Variants in FAT3 observed in about 807,000 individuals in gnomAD.
FAT3 encodes protocadherin Fat 3.
Under a neutral mutation model 310.2 loss-of-function variants are expected in FAT3, and 95 were observed. The observed-to-expected ratio is 0.31, with a 90% CI of 0.26 to 0.36. The LOEUF (loss-of-function observed/expected upper bound fraction) is 0.36, where lower values mean the gene tolerates loss of function less well. FAT3 is among the 10% of genes least tolerant of loss of function. FAT3 has a pLI of 1.00. For synonymous variants in FAT3, 2,314 were observed against 2,192.9 expected (o/e 1.06, Z -1.54); for missense variants, 5,408 against 5,715.6 (o/e 0.95, Z 1.74).
intron 2 of FAT3, among the ~76,000 whole-genome samples, chr11:92,447,234 T>C (rs1246698790): frequency 1.3e-5 from 2 of 151,546 alleles, no homozygotes; most frequent in African/African-American, 4.9e-5. Context: ...TGTGTGTGTG[T>C]GTGTGTGTGT....
chr11:92,817,929 A>T (rs1477211033), intron 13 of FAT3, among the ~76,000 whole-genome samples: 1 of 152,226 alleles, frequency 6.6e-6, no homozygotes. Context: ...AGGTGACAAA[A>T]GTCCACTGGA....
intron 1 of FAT3, among the ~76,000 whole-genome samples, chr11:92,248,556 C>T (rs1865018241): frequency 6.6e-6 from 1 of 152,056 alleles, no homozygotes; most frequent in Non-Finnish European, 1.5e-5. Flanking sequence ...CCTGTACTTG[C>T]CACCCATCAG....
At chr11:92,612,525 A>G (rs535016477) in intron 3 of FAT3, among the ~76,000 whole-genome samples, 114 of 152,348 alleles carry the variant, frequency 7.5e-4, no homozygotes, top group Middle Eastern at 6.8e-3. Context: ...ATGCAATTCA[A>G]TCAGAAGACC....
At chr11:92,640,104 T>C (rs1941904274) in intron 3 of FAT3, among the ~76,000 whole-genome samples, 1 of 152,106 alleles carries the variant, frequency 6.6e-6, no homozygotes, top group African/African-American at 2.4e-5. Flanking sequence ...GCCCTTTTTT[T>C]CTTTAAATAT....
chr11:92,715,006 G>A (rs1944635354), intron 4 of FAT3, among the ~76,000 whole-genome samples: 1 of 151,776 alleles, frequency 6.6e-6, no homozygotes, highest in Admixed American at 6.6e-5. Flanking sequence ...ATGGGGTATG[G>A]GTTGTTTTTT....
intron 2 of FAT3, among the ~76,000 whole-genome samples, chr11:92,445,808 C>T (rs1345312453): frequency 2.0e-5 from 3 of 151,854 alleles, no homozygotes; most frequent in African/African-American, 7.3e-5. Context: ...CTTTATTATT[C>T]TCTTCAATGA....
At position 92,293,731 on chromosome 11, in the gene FAT3, A is replaced by T. The variant is rs144187209; in HGVS notation, c.-17-58365A>T. Reference sequence around the variant, plus strand: ...ATAGCTACAGGAGACCCATGGTCAGAGCACATAGAAAAGGACTGCAGGTAT... The same window carrying T: ...ATAGCTACAGGAGACCCATGGTCAGTGCACATAGAAAAGGACTGCAGGTAT... On this transcript the variant is annotated intron_variant, in intron 1 of 27. Transcript: ENST00000525166. 5.8e-3 allele frequency among the ~76,000 whole-genome samples: 873 copies of T among 151,702 alleles called. 12 individuals carry two copies. Among genetic ancestry groups the T allele is most frequent in the African/African-American group, 0.021 (851 of 41,458 alleles).
chr11:92,562,475 A>AT (rs1165479650), intron 3 of FAT3, among the ~76,000 whole-genome samples: 2 of 152,226 alleles, frequency 1.3e-5, no homozygotes, highest in African/African-American at 2.4e-5. Context: ...TAAAGTGGAT[A>AT]TACTATCTCA....
intron 17 of FAT3, among the ~76,000 whole-genome samples, chr11:92,839,887 A>G (rs1444628458): frequency 1.3e-5 from 2 of 152,232 alleles, no homozygotes; most frequent in African/African-American, 4.8e-5. Flanking sequence ...CTGCAAAATA[A>G]TGCTTATGTA....
intron 10 of FAT3, among the ~76,000 whole-genome samples, chr11:92,802,530 T>C (rs1306286967): frequency 6.6e-6 from 1 of 152,178 alleles, no homozygotes; most frequent in Admixed American, 6.5e-5. Context: ...AAGTCAGTCA[T>C]TAGGAAGGCA....
At chr11:92,705,517 A>AGTGGTGTTGGTGGTGGTGTGATG (rs1944269230) in intron 4 of FAT3, among the ~76,000 whole-genome samples, 1 of 10,972 alleles carries the variant, frequency 9.1e-5, no homozygotes. Context: ...GTGGTGTGAT[A>AGTGGTGTTGGTGGTGGTGTGATG]GTGGTGTTGG....
chr11:92,822,526 C>T (rs1236409420), intron 13 of FAT3, among the ~76,000 whole-genome samples: 1 of 152,220 alleles, frequency 6.6e-6, no homozygotes, highest in African/African-American at 2.4e-5. Context: ...TGCTTATCAG[C>T]TTTGCTGCAG....
intron 3 of FAT3, among the ~76,000 whole-genome samples, chr11:92,662,043 C>T (rs1942802201): frequency 6.6e-6 from 1 of 152,076 alleles, no homozygotes; most frequent in South Asian, 2.1e-4. Context: ...ATTATTACGA[C>T]TGTTATTACA....
intron 3 of FAT3, among the ~76,000 whole-genome samples, chr11:92,557,200 C>T (rs1955052971): frequency 6.6e-6 from 1 of 151,970 alleles, no homozygotes; most frequent in Non-Finnish European, 1.5e-5. Flanking sequence ...AGGATGTTGA[C>T]TCCATCTGAC....
Position 92,352,695 on chromosome 11 carries a change from T to C in FAT3, c.583T>C (p.Tyr195His). ...TATTGGTTCCAATGGAGAATTCTAC[T>C]ACTACTTTAAAAATAAAGTTGATCT... Reference protein sequence around the residue: ...ADIGSNGEFYYYFKNKVDLFS... With the variant: ...ADIGSNGEFYHYFKNKVDLFS... Residue 195 changes from tyrosine to histidine, a missense_variant, in exon 2 of 28, where the codon TAC becomes CAC. By Grantham distance (83) the Tyr-to-His change is moderately conservative (BLOSUM62 2). This residue lies in a region of FAT3 where 4,588 missense variants were observed against 4,809.8 expected (regional missense o/e 0.95). Transcript: ENST00000525166. The C allele has an allele frequency of 6.2e-7, 1 of 1,613,836 alleles. No homozygotes were observed. The highest frequency in any genetic ancestry group is 8.5e-7 in the Non-Finnish European group (1 of 1,179,864).
chr11:92,558,402 A>ATGTATG (rs1955097039), intron 3 of FAT3, among the ~76,000 whole-genome samples: 1 of 150,020 alleles, frequency 6.7e-6, no homozygotes, highest in Admixed American at 6.6e-5. Flanking sequence ...TGTTGTGTTT[A>ATGTATG]TGTGTGTGTG....
At chr11:92,819,000 C>G (rs959540802) in intron 13 of FAT3, among the ~76,000 whole-genome samples, 1 of 152,204 alleles carries the variant, frequency 6.6e-6, no homozygotes, top group African/African-American at 2.4e-5. Flanking sequence ...AGCTTCTGCT[C>G]CACTTCAGGC....
chr11:92,531,119 A>T (rs1309757263), intron 3 of FAT3, among the ~76,000 whole-genome samples: 1 of 152,216 alleles, frequency 6.6e-6, no homozygotes, highest in East Asian at 1.9e-4. Flanking sequence ...GTAGCGAATG[A>T]GTATGTGTGA....
At chr11:92,287,472 G>A (rs2845876) in intron 1 of FAT3, among the ~76,000 whole-genome samples, 102,689 of 152,004 alleles carry the variant, frequency 0.68, 34,774 homozygotes, top group Admixed American at 0.69. Flanking sequence ...TCTACCTAAT[G>A]TACAGTATAA....
Sources: gnomAD v4.1 joint callset for allele counts (sites outside exome capture counted in the v4.1 genomes callset) on GRCh38, gnomAD v4.1.1 for gene constraint, gnomAD v4.1.1 regional missense constraint, MANE v1.5 for transcripts, NCBI Gene and HGNC (gene_info 2026-07-23, HGNC 2026-07-21) for gene names.